The following PDE6A variants were observed in gnomAD, a reference collection of about 807,000 sequenced individuals.
The protein encoded by PDE6A is rod cGMP-specific 3',5'-cyclic phosphodiesterase subunit alpha.
PDE6A carries 84 observed loss-of-function variants against 106.3 expected under a neutral mutation model. The ratio of observed to expected loss-of-function variants is 0.79; its 90% confidence interval spans 0.66 to 0.95. The LOEUF (loss-of-function observed/expected upper bound fraction) is 0.95, where lower values mean the gene tolerates loss of function less well. Ranked by LOEUF, PDE6A falls within the 40% of genes least tolerant of loss-of-function variation. PDE6A has a pLI of 0.00. For missense variants in PDE6A, 1,052 were observed against 1,084.9 expected, an observed-to-expected ratio of 0.97 and a Z score of 0.43; for synonymous variants, 394 against 386.6, an observed-to-expected ratio of 1.02 and a Z score of -0.23.
intron 13 of PDE6A, among the ~76,000 whole-genome samples, chr5:149,888,144 T>TA (rs1160683228): frequency 6.6e-6 from 1 of 151,914 alleles, no homozygotes; most frequent in East Asian, 1.9e-4. Flanking sequence ...ATCTCAAAAG[T>TA]AAAAAAAGAT....
At chr5:149,881,207 C>A (rs112020801) in intron 17 of PDE6A, among the ~76,000 whole-genome samples, 2,508 of 152,298 alleles carry the variant, frequency 0.016, 39 homozygotes, top group South Asian at 0.036. Flanking sequence ...CAAAGAACTT[C>A]AAGTAGAATT....
intron 13 of PDE6A, among the ~76,000 whole-genome samples, chr5:149,889,649 T>C (rs1382592048): frequency 6.6e-6 from 1 of 151,976 alleles, no homozygotes; most frequent in African/African-American, 2.4e-5. Context: ...CTCATGCCTG[T>C]AATCCCAGCA....
chr5:149,877,469 G>A (rs1581159420), intron 17 of PDE6A, among the ~76,000 whole-genome samples: 1 of 152,174 alleles, frequency 6.6e-6, no homozygotes, highest in East Asian at 1.9e-4. Flanking sequence ...GAGTGCAGCG[G>A]TGCAATCTTA....
intron 4 of PDE6A, among the ~76,000 whole-genome samples, chr5:149,928,231 A>ATATATATATTTTTTT: frequency 1.3e-3 from 26 of 19,744 alleles, no homozygotes; most frequent in African/African-American, 6.7e-3. Flanking sequence ...ATATATATAT[A>ATATATATATTTTTTT]TTTTTTTTTT....
chr5:149,934,543 C>G (rs1408472334), intron 2 of PDE6A, 23 bp downstream of exon 2: 1 of 1,612,980 alleles, frequency 6.2e-7, no homozygotes, highest in East Asian at 2.2e-5. Flanking sequence ...CATGGCTATC[C>G]TTAGTCTCTA....
chr5:149,883,531 C>T lies in PDE6A; in HGVS notation c.2033G>A (p.Arg678Lys). 1 of 1,608,178 alleles carries T rather than the reference C, an allele frequency of 6.2e-7. No homozygotes were observed. The highest frequency in any genetic ancestry group is 8.5e-7 in the Non-Finnish European group (1 of 1,174,768). Reference sequence around the variant, plus strand: ...ATCCACGATCTTTTGGAACATCGTCCTCTTCCTACAAAACATATCAGTCTA... The same window carrying T: ...ATCCACGATCTTTTGGAACATCGTCTTCTTCCTACAAAACATATCAGTCTA... ...ATDLALYFKK[R>K]TMFQKIVDQS... Residue 678 changes from arginine to lysine, a missense_variant, in exon 17 of 22, where the codon AGG becomes AAG. By Grantham distance (26) the Arg-to-Lys change is conservative. Around this residue, in one of 3 missense-constraint regions of PDE6A, gnomAD observed 913 missense variants for 915.2 expected, o/e 1.00. Coordinates refer to ENST00000255266, the MANE Select transcript of PDE6A (RefSeq NM_000440.3).
intron 5 of PDE6A, among the ~76,000 whole-genome samples, chr5:149,916,681 TC>T (rs1267461822): frequency 6.6e-6 from 1 of 152,190 alleles, no homozygotes; most frequent in African/African-American, 2.4e-5. Context: ...ATTACCTTTT[TC>T]TTAGGTCCTC....
At position 149,863,106 on chromosome 5, in the gene PDE6A, C is replaced by A; in HGVS notation, c.2506+13G>T. ...TGGGGTGGTGGGAGTCCCTGCTTCCCCCTTCCACAAACCTGACTTGGCCGA... is the reference window on the plus strand; with the variant it reads ...TGGGGTGGTGGGAGTCCCTGCTTCCACCTTCCACAAACCTGACTTGGCCGA... On this transcript the variant is annotated intron_variant, in intron 21 of 21. Transcript: ENST00000255266. The surrounding 1 kb of genome is among the most constrained non-coding windows in gnomAD (Gnocchi z 4.7). 1 of 1,614,162 alleles carries A rather than the reference C, an allele frequency of 6.2e-7. No individual in the cohort carries two copies. The highest frequency in any genetic ancestry group is 8.5e-7 in the Non-Finnish European group (1 of 1,180,026).
chr5:149,871,945 A>C (rs1457580674), intron 17 of PDE6A, among the ~76,000 whole-genome samples: 1 of 152,220 alleles, frequency 6.6e-6, no homozygotes, highest in Non-Finnish European at 1.5e-5. Context: ...TAGACTTGCA[A>C]AGTGAGGAAG....
intron 6 of PDE6A, among the ~76,000 whole-genome samples, chr5:149,909,777 A>G (rs563077303): frequency 9.5e-4 from 145 of 152,292 alleles, no homozygotes; most frequent in Non-Finnish European, 1.8e-3. Context: ...TAATATTTTC[A>G]TATCTTTCAG....
rs55892806 is a variant in PDE6A, at chr5:149,863,387, C to T, written c.2359-121G>A. 0.14 allele frequency: 135,817 copies of T among 965,078 alleles called. 11,050 individuals carry two copies. The highest frequency in any genetic ancestry group is 0.16 in the Non-Finnish European group (102,092 of 620,668). 59.8% of individuals were successfully genotyped at this position (965,078 alleles called of 1,614,324 possible). A position where few individuals can be genotyped will look rare whatever the true frequency, so the allele number is the denominator to read the frequency against. ...AGCTGCTTCGGAGTAGCAGGCCTCC[C>T]GCCACCGTGCTGATACTGCAGGGCC... On this transcript the variant is annotated intron_variant, in intron 20 of 21. Transcript: ENST00000255266. The surrounding 1 kb of genome is among the most constrained non-coding windows in gnomAD (Gnocchi z 4.7).
chr5:149,883,418 T>C lies in PDE6A; in HGVS notation c.2135+11A>G, dbSNP rs753354342. On this transcript the variant is annotated intron_variant, in intron 17 of 21. Transcript: ENST00000255266. ...CTAAGAGGATCAGGTTTTAACCCCATCCCAACTCACATAACGATTTCCTTC... is the reference window on the plus strand; with the variant it reads ...CTAAGAGGATCAGGTTTTAACCCCACCCCAACTCACATAACGATTTCCTTC... 2 of 1,583,322 alleles carry C rather than the reference T, an allele frequency of 1.3e-6. No homozygotes were observed. The highest frequency in any genetic ancestry group is 2.2e-5 in the South Asian group (2 of 90,480).
intron 1 of PDE6A, among the ~76,000 whole-genome samples, chr5:149,943,868 C>T (rs1270477717): frequency 2.0e-5 from 3 of 152,088 alleles, no homozygotes; most frequent in Admixed American, 6.5e-5. Context: ...ATGGGAGCAT[C>T]GCCAGTACTT....
intron 6 of PDE6A, among the ~76,000 whole-genome samples, chr5:149,914,112 A>G (rs1753475472): frequency 6.6e-6 from 1 of 152,192 alleles, no homozygotes; most frequent in African/African-American, 2.4e-5. Flanking sequence ...CTCATTCTAT[A>G]CATGGGACTC....
In PDE6A at chr5:149,863,014, G is replaced by T; in HGVS notation, c.2506+105C>A. 1 of 1,379,538 alleles carries T rather than the reference G, an allele frequency of 7.2e-7. No individual in the cohort carries two copies. The highest frequency in any genetic ancestry group is 1.0e-6 in the Non-Finnish European group (1 of 967,674). 85.5% of individuals were successfully genotyped at this position (1,379,538 alleles called of 1,614,324 possible). A position where few individuals can be genotyped will look rare whatever the true frequency, so the allele number is the denominator to read the frequency against. On this transcript the variant is annotated intron_variant, in intron 21 of 21. Coordinates refer to ENST00000255266, the MANE Select transcript of PDE6A (RefSeq NM_000440.3). The surrounding 1 kb of genome is among the most constrained non-coding windows in gnomAD (Gnocchi z 4.7). Reference sequence around the variant, plus strand: ...AGAATGGGGACAGTATTGGCCATCAGGAGGCCTGAATGAGACTCCGTGTAA... The same window carrying T: ...AGAATGGGGACAGTATTGGCCATCATGAGGCCTGAATGAGACTCCGTGTAA...
rs1289496250 is a variant in PDE6A, at chr5:149,899,495, C to T, written c.1143G>A (p.Met381Ile). ...QKEPLDESGW[M>I]IKNVLSMPIV... ...TCGGCATTGAAAGCACATTTTTAATCATCCATCCAGACTCATCCAGAGGTT... is the reference window on the plus strand; with the variant it reads ...TCGGCATTGAAAGCACATTTTTAATTATCCATCCAGACTCATCCAGAGGTT... Residue 381 changes from methionine (M) to isoleucine (I), a missense_variant, in exon 9 of 22, where the codon ATG becomes ATA. Around this residue, in one of 3 missense-constraint regions of PDE6A, gnomAD observed 913 missense variants for 915.2 expected, o/e 1.00. Coordinates refer to ENST00000255266, the MANE Select transcript of PDE6A (RefSeq NM_000440.3). The T allele has an allele frequency of 6.2e-7, 1 of 1,614,160 alleles. No homozygotes were observed. Among genetic ancestry groups the T allele is most frequent in the Non-Finnish European group, 8.5e-7 (1 of 1,180,000 alleles).
chr5:149,875,683 C>G (rs1375621143), intron 17 of PDE6A, among the ~76,000 whole-genome samples: 1 of 151,990 alleles, frequency 6.6e-6, no homozygotes, highest in Non-Finnish European at 1.5e-5. Context: ...GAGACAAGGT[C>G]TCGCTATGTT....
chr5:149,914,867 C>T, intron 6 of PDE6A, 76 bp downstream of exon 6: 1 of 983,960 alleles, frequency 1.0e-6, no homozygotes, highest in Non-Finnish European at 1.6e-6. Context: ...TGCCCAATTC[C>T]AGAATCACCG....
At chr5:149,933,340 G>A (rs1410493142) in intron 3 of PDE6A, among the ~76,000 whole-genome samples, 1 of 152,010 alleles carries the variant, frequency 6.6e-6, no homozygotes, top group South Asian at 2.1e-4. Flanking sequence ...TCCCAGGCTG[G>A]TCTCGAACTT....
Sources: gnomAD v4.1 joint callset for allele counts (sites outside exome capture counted in the v4.1 genomes callset) on GRCh38, gnomAD v4.1.1 for gene constraint, gnomAD v4.1.1 regional missense constraint, Gnocchi (gnomAD v3.1) non-coding constraint, MANE v1.5 for transcripts, NCBI Gene and HGNC (gene_info 2026-07-23, HGNC 2026-07-21) for gene names.